Variants in ZFHX3 observed in about 807,000 individuals in gnomAD.
ZFHX3 encodes zinc finger homeobox protein 3.
ZFHX3 carries 42 observed loss-of-function variants against 279.1 expected under a neutral mutation model. That is an observed-to-expected ratio of 0.15 (90% CI 0.12 to 0.19). ZFHX3 has a LOEUF of 0.19. Among genes scored for constraint, ZFHX3 ranks in the 10% least tolerant of loss-of-function variants. The probability of loss-of-function intolerance (pLI) is 1.00; values close to 1 mark genes in which losing one functional copy is unlikely to be tolerated. For missense variants in ZFHX3, 4,981 were observed against 4,754.0 expected (o/e 1.05, Z -1.40); for synonymous variants, 2,293 against 1,957.8 (o/e 1.17, Z -4.52).
At chr16:73,646,004 A>T (rs774346269) in intron 2 of ZFHX3, among the ~76,000 whole-genome samples, 2 of 152,224 alleles carry the variant, frequency 1.3e-5, no homozygotes, top group African/African-American at 4.8e-5. Context: ...TGCTGATGAC[A>T]GTCTGAAAAT....
chr16:73,810,467 T>G (rs1338107114), intron 1 of ZFHX3, among the ~76,000 whole-genome samples: 5 of 152,254 alleles, frequency 3.3e-5, no homozygotes, highest in Non-Finnish European at 7.3e-5. Flanking sequence ...TTTATTTTAT[T>G]TGAGTTGCAT....
At chr16:73,098,238 T>C (rs1024028963) in intron 7 of ZFHX3, among the ~76,000 whole-genome samples, 3 of 151,936 alleles carry the variant, frequency 2.0e-5, no homozygotes, top group African/African-American at 7.3e-5. Flanking sequence ...CAGTTAATTT[T>C]TTTGTATTTT....
At chr16:72,937,299 C>T (rs762304362) in intron 3 of ZFHX3, among the ~76,000 whole-genome samples, 10 of 152,142 alleles carry the variant, frequency 6.6e-5, no homozygotes, top group Non-Finnish European at 1.3e-4. Context: ...AAAGAAGGGG[C>T]TCTGGGACAA....
At chr16:73,403,184 C>A (rs772478476) in intron 3 of ZFHX3, among the ~76,000 whole-genome samples, 1 of 152,084 alleles carries the variant, frequency 6.6e-6, no homozygotes. Context: ...GAAAGGGGGT[C>A]CAATTTATAT....
intron 2 of ZFHX3, among the ~76,000 whole-genome samples, chr16:73,515,727 G>A (rs945913506): frequency 6.6e-6 from 1 of 152,154 alleles, no homozygotes; most frequent in Non-Finnish European, 1.5e-5. Flanking sequence ...GGGAATCTGG[G>A]ATCATTTAAA....
chr16:73,116,954 T>C (rs964736560), intron 7 of ZFHX3, among the ~76,000 whole-genome samples: 1 of 152,178 alleles, frequency 6.6e-6, no homozygotes, highest in Non-Finnish European at 1.5e-5. Context: ...GGGATGCATG[T>C]GCTTTGTGAA....
chr16:72,926,936 A>G (rs1004290426), intron 3 of ZFHX3, among the ~76,000 whole-genome samples: 1 of 152,212 alleles, frequency 6.6e-6, no homozygotes, highest in African/African-American at 2.4e-5. Flanking sequence ...CAGGTTTACG[A>G]AATTTATAGG....
chr16:73,134,358 T>TC (rs1456552428), intron 6 of ZFHX3, among the ~76,000 whole-genome samples: 6 of 140,800 alleles, frequency 4.3e-5, no homozygotes, highest in Admixed American at 1.4e-4. Context: ...TTTTTTTTTT[T>TC]TTTAAGAGAC....
chr16:73,793,780 T>G (rs1399074185), intron 1 of ZFHX3, among the ~76,000 whole-genome samples: 1 of 152,226 alleles, frequency 6.6e-6, no homozygotes, highest in East Asian at 1.9e-4. Flanking sequence ...ATTGACAGCC[T>G]GTTTCAAATG....
intron 1 of ZFHX3, among the ~76,000 whole-genome samples, chr16:73,045,757 A>T (rs758358074): frequency 1.7e-4 from 25 of 143,590 alleles, no homozygotes; most frequent in Admixed American, 7.0e-4. Context: ...GGAAAACAGT[A>T]GCTCTATTTC....
At chr16:73,192,808 G>C (rs2144890433) in intron 5 of ZFHX3, among the ~76,000 whole-genome samples, 1 of 152,176 alleles carries the variant, frequency 6.6e-6, no homozygotes, top group East Asian at 1.9e-4. Context: ...TCGCACAAAT[G>C]GGGTCATTCA....
intron 2 of ZFHX3, among the ~76,000 whole-genome samples, chr16:73,661,500 C>T (rs1039412412): frequency 6.6e-6 from 1 of 152,118 alleles, no homozygotes; most frequent in Non-Finnish European, 1.5e-5. Flanking sequence ...GCAGGCAGAT[C>T]AGTTGAGGTT....
intron 3 of ZFHX3, among the ~76,000 whole-genome samples, chr16:73,353,697 T>C (rs373348796): frequency 2.0e-5 from 3 of 152,040 alleles, no homozygotes; most frequent in East Asian, 3.9e-4. Flanking sequence ...ATCACGTGAA[T>C]GCTGTTAGTA....
At chr16:73,359,185 T>G (rs1420580568) in intron 3 of ZFHX3, among the ~76,000 whole-genome samples, 1 of 61,232 alleles carries the variant, frequency 1.6e-5, no homozygotes, top group Non-Finnish European at 6.2e-5. Flanking sequence ...GAAGAGGTTT[T>G]TTTTTTTTTT....
In ZFHX3 at chr16:72,785,819, A is replaced by G. The variant is rs2035343135; in HGVS notation, c.*1345T>C. 7.2e-6 allele frequency: 1 copy of G among 138,352 alleles called. No homozygotes were observed. Among genetic ancestry groups the G allele is most frequent in the South Asian group, 2.1e-4 (1 of 4,674 alleles). 8.6% of individuals were successfully genotyped at this position (138,352 alleles called of 1,614,324 possible). ...AACAAGGAGGAAAAGAAGGGGTACA[A>G]AGAAAAAAAAGCCAAAAGAAGGATA... On this transcript the variant is annotated 3_prime_UTR_variant, in exon 10 of 10. Transcript: ENST00000268489.
intron 5 of ZFHX3, among the ~76,000 whole-genome samples, chr16:73,234,217 C>G (rs924730618): frequency 1.3e-5 from 2 of 152,138 alleles, no homozygotes; most frequent in East Asian, 3.9e-4. Flanking sequence ...CAGACAGTCA[C>G]CCATCCCTGG....
In ZFHX3 at chr16:72,794,818, C is replaced by A. The variant is rs759249814; in HGVS notation, c.7864G>T (p.Ala2622Ser). 1 of 1,614,094 alleles carries A rather than the reference C, an allele frequency of 6.2e-7. No individual in the cohort carries two copies. Among genetic ancestry groups the A allele is most frequent in the East Asian group, 2.2e-5 (1 of 44,876 alleles). ...TCGTTTTCGCCAGGGCTTGCACTGG[C>A]CTTTTCCTCCAGCTTCCTCTTGAGA... ...NTLKRKLEEK[A>S]SASPGENDSG... The change falls in exon 9 of 10, where the codon GCC becomes TCC. Residue 2622 changes from alanine (A) to serine (S), a missense_variant. Physicochemically the swap from Ala to Ser is moderately conservative, Grantham distance 99. Transcript: ENST00000268489. The surrounding 1 kb of genome is among the most constrained non-coding windows in gnomAD (Gnocchi z 4.2).
intron 1 of ZFHX3, among the ~76,000 whole-genome samples, chr16:73,025,031 T>C (rs1275072747): frequency 1.3e-5 from 2 of 152,188 alleles, no homozygotes; most frequent in African/African-American, 4.8e-5. Context: ...GATCTCCGCA[T>C]GTATCCATTA....
chr16:73,469,374 G>C (rs2143598618), intron 2 of ZFHX3, among the ~76,000 whole-genome samples: 1 of 152,276 alleles, frequency 6.6e-6, no homozygotes, highest in Non-Finnish European at 1.5e-5. Context: ...TGATGAACAG[G>C]GGTGCGGTGG....
Sources: allele counts gnomAD v4.1 joint callset (sites outside exome capture counted in the v4.1 genomes callset), GRCh38; gene constraint gnomAD v4.1.1; non-coding constraint Gnocchi (gnomAD v3.1); transcripts MANE v1.5; gene names NCBI Gene and HGNC (gene_info 2026-07-23, HGNC 2026-07-21).